Variants in COG4 observed in about 807,000 individuals in gnomAD.
COG4 encodes component of oligomeric golgi complex 4.
Under a neutral mutation model 95.1 loss-of-function variants are expected in COG4, and 65 were observed. The observed-to-expected ratio is 0.68, with a 90% CI of 0.56 to 0.84. COG4 has a LOEUF of 0.84. Ranked by LOEUF, COG4 falls within the 40% of genes least tolerant of loss-of-function variation. The pLI is 0.00. For synonymous variants in COG4, 421 were observed against 374.8 expected (o/e 1.12, Z -1.42); for missense variants, 1,045 against 989.1 (o/e 1.06, Z -0.76).
At chr16:70,485,223 T>C (rs2049102965) in intron 13 of COG4, among the ~76,000 whole-genome samples, 1 of 150,314 alleles carries the variant, frequency 6.7e-6, no homozygotes, top group Non-Finnish European at 1.5e-5. Context: ...TTTTTTTTTT[T>C]GAGACAGTCT....
intron 8 of COG4, among the ~76,000 whole-genome samples, chr16:70,505,218 G>C (rs1380052817): frequency 7.9e-6 from 1 of 126,720 alleles, no homozygotes; most frequent in South Asian, 2.5e-4. Context: ...TTTTTTTTGA[G>C]ACAGAGTCTC....
intron 8 of COG4, 29 bp downstream of exon 8, chr16:70,508,377 T>C: frequency 6.3e-7 from 1 of 1,589,986 alleles, no homozygotes; most frequent in Non-Finnish European, 8.6e-7. Context: ...CAAACTCCTG[T>C]GGGCTGAAGA....
chr16:70,483,783 G>A (rs1399313018), intron 14 of COG4, 70 bp downstream of exon 14: 8 of 1,221,648 alleles, frequency 6.5e-6, no homozygotes, highest in South Asian at 1.2e-5. Context: ...CACACGATGA[G>A]CCAGCTAACA....
chr16:70,488,194 C>T (rs111993210), intron 13 of COG4, among the ~76,000 whole-genome samples: 18,369 of 151,674 alleles, frequency 0.12, 3,673 homozygotes, highest in African/African-American at 0.42. Flanking sequence ...AGTGAAGTGG[C>T]GTGATCTCGA....
chr16:70,486,465 CATGCCACCTG>C (rs1159300556), intron 13 of COG4, among the ~76,000 whole-genome samples: 2 of 152,204 alleles, frequency 1.3e-5, no homozygotes, highest in African/African-American at 2.4e-5. Context: ...AGCTGAACGT[CATGCCACCTG>C]ATCTGCCTAT....
chr16:70,502,431 G>A (rs939717624), intron 8 of COG4, among the ~76,000 whole-genome samples: 1 of 149,396 alleles, frequency 6.7e-6, no homozygotes, highest in Admixed American at 6.7e-5. Flanking sequence ...GAGAAACCCC[G>A]TCTCCACTAA....
chr16:70,507,415 T>C (rs933626684), intron 8 of COG4, among the ~76,000 whole-genome samples: 6 of 152,172 alleles, frequency 3.9e-5, no homozygotes, highest in Non-Finnish European at 7.3e-5. Flanking sequence ...CGTGTTATAA[T>C]TGTCTATGGT....
In COG4 at chr16:70,482,842, GAC is replaced by G. The variant is rs758986477; in HGVS notation, c.1828-23_1828-22del. 18 of 1,597,714 alleles carry G rather than the reference GAC, an allele frequency of 1.1e-5. No individual in the cohort carries two copies. In the South Asian group the frequency reaches 2.0e-4, roughly 18 times the overall value. ...CCTTCCTGCACAAGGACAAGGTGGA[GAC>G]ATGTGACACAGAAGGCACGACTCAT... On this transcript the variant is annotated intron_variant, in intron 14 of 18. Transcript: ENST00000323786.
intron 11 of COG4, among the ~76,000 whole-genome samples, chr16:70,496,810 G>A (rs140756582): frequency 9.2e-5 from 14 of 152,268 alleles, no homozygotes; most frequent in African/African-American, 3.1e-4. Context: ...GATCTTTGAC[G>A]AGGACGGAAT....
rs929915906 is a variant in COG4, at chr16:70,500,942, T to C, written c.1195+16A>G. The C allele has an allele frequency of 3.1e-6, 5 of 1,613,900 alleles. No homozygotes were observed. Among genetic ancestry groups the C allele is most frequent in the Admixed American group, 1.7e-5 (1 of 59,986 alleles). ...TATACCTCAACCCTCCCCAAAAATATGGGAAACGTTTTTACCTTGCTTTAC... is the reference window on the plus strand; with the variant it reads ...TATACCTCAACCCTCCCCAAAAATACGGGAAACGTTTTTACCTTGCTTTAC... On this transcript the variant is annotated intron_variant, in intron 9 of 18. Transcript: ENST00000323786.
chr16:70,509,155 A>T lies in COG4; in HGVS notation c.1002+76T>A, dbSNP rs181622353. The stretch of plus-strand genomic sequence containing the variant: ...CTGCACCTTTTTTTTCACTTTTTCA[A>T]ACCCTACAATTTATTCTACTCAGTG... On this transcript the variant is annotated intron_variant, in intron 7 of 18. Coordinates refer to ENST00000323786, the MANE Select transcript of COG4 (RefSeq NM_015386.3). The T allele has an allele frequency of 1.6e-4, 247 of 1,582,846 alleles. 2 individuals carry two copies. The highest frequency in any genetic ancestry group is 1.5e-3 in the South Asian group (137 of 90,190).
chr16:70,505,800 G>C (rs2049553118), intron 8 of COG4, among the ~76,000 whole-genome samples: 1 of 151,868 alleles, frequency 6.6e-6, no homozygotes, highest in African/African-American at 2.4e-5. Flanking sequence ...CTGCACTTCA[G>C]CCTGGGCGAA....
chr16:70,520,677 C>A (rs964771910), intron 1 of COG4, among the ~76,000 whole-genome samples: 1 of 151,614 alleles, frequency 6.6e-6, no homozygotes, highest in Non-Finnish European at 1.5e-5. Flanking sequence ...AAAAACACCA[C>A]ACACATCTTG....
chr16:70,512,428 G>C lies in COG4; in HGVS notation c.549C>G (p.Ser183Arg). Residue 183 changes from serine to arginine, a missense_variant, in exon 5 of 19, where the codon AGC becomes AGG. Transcript: ENST00000323786. ...GCAATTTCAGGTTGGCATCAATCAT[G>C]CTCCCTGCTCAACAGGGAGAAAATG... Reference protein sequence around the residue: ...IELSRQGKEGSMIDANLKLLQ... With the variant: ...IELSRQGKEGRMIDANLKLLQ... 2 of 1,613,566 alleles carry C rather than the reference G, an allele frequency of 1.2e-6. No individual in the cohort carries two copies. The highest frequency in any genetic ancestry group is 1.7e-6 in the Non-Finnish European group (2 of 1,179,656).
chr16:70,512,094 A>G (rs1481489229), intron 5 of COG4, 145 bp downstream of exon 5: 9 of 784,800 alleles, frequency 1.1e-5, no homozygotes, highest in Non-Finnish European at 1.5e-5. Flanking sequence ...ACATGCATCC[A>G]GTCCTGCATG....
At chr16:70,492,535 C>T (rs1183717341) in intron 12 of COG4, among the ~76,000 whole-genome samples, 1 of 151,910 alleles carries the variant, frequency 6.6e-6, no homozygotes, top group Admixed American at 6.6e-5. Context: ...GTGGTGCATG[C>T]CTGTAATCCC....
At chr16:70,506,176 C>T (rs750643837) in intron 8 of COG4, among the ~76,000 whole-genome samples, 7 of 151,598 alleles carry the variant, frequency 4.6e-5, no homozygotes, top group Non-Finnish European at 1.0e-4. Flanking sequence ...GTGGGTGGAT[C>T]ATGAGGGTCA....
chr16:70,512,323 C>T lies in COG4; in HGVS notation c.654G>A (p.Gln218=), dbSNP rs745964632. The T allele has an allele frequency of 1.2e-6, 2 of 1,614,170 alleles. No homozygotes were observed. Among genetic ancestry groups the T allele is most frequent in the Non-Finnish European group, 1.7e-6 (2 of 1,180,022 alleles). ...AIATKEGDLP[Q]VERFFKIFPL... ...GGAAGATCTTGAAGAAGCGCTCCAC[C>T]TGGGGCAGATCACCTTCCTTGGTGG... Residue 218 remains glutamine (Q), a synonymous_variant, in exon 5 of 19, where the codon CAG becomes CAA. Transcript: ENST00000323786.
chr16:70,483,735 T>C, intron 14 of COG4, 118 bp downstream of exon 14: 2 of 823,184 alleles, frequency 2.4e-6, no homozygotes, highest in Non-Finnish European at 4.3e-6. Flanking sequence ...CTCCAGGGCT[T>C]GCGTGCTGCT....
Sources: gnomAD v4.1 joint callset for allele counts (sites outside exome capture counted in the v4.1 genomes callset) on GRCh38, gnomAD v4.1.1 for gene constraint, MANE v1.5 for transcripts, NCBI Gene and HGNC (gene_info 2026-07-23, HGNC 2026-07-21) for gene names.